The following ADAMTS19 variants were observed in gnomAD, a reference collection of about 807,000 sequenced individuals.
ADAMTS19 encodes A disintegrin and metalloproteinase with thrombospondin motifs 19.
ADAMTS19 carries 93 observed loss-of-function variants against 153.3 expected under a neutral mutation model. The observed-to-expected ratio is 0.61, with a 90% CI of 0.51 to 0.72. The LOEUF (loss-of-function observed/expected upper bound fraction) is 0.72. ADAMTS19 is among the 30% of genes least tolerant of loss of function. The pLI is 0.00. For synonymous variants in ADAMTS19, 600 were observed against 556.6 expected, an observed-to-expected ratio of 1.08 and a Z score of -1.10; for missense variants, 1,482 against 1,552.1, an observed-to-expected ratio of 0.95 and a Z score of 0.76.
At chr5:129,603,815 A>T (rs532045590) in intron 8 of ADAMTS19, among the ~76,000 whole-genome samples, 5 of 152,310 alleles carry the variant, frequency 3.3e-5, no homozygotes, top group Admixed American at 1.3e-4. Flanking sequence ...CACACAGCTA[A>T]TAAGTGCCTG....
chr5:129,617,944 A>C (rs2126970624), intron 8 of ADAMTS19, among the ~76,000 whole-genome samples: 1 of 152,128 alleles, frequency 6.6e-6, no homozygotes, highest in East Asian at 1.9e-4. Flanking sequence ...TTATTTCCCC[A>C]GTATAGAGGA....
intron 6 of ADAMTS19, among the ~76,000 whole-genome samples, chr5:129,537,934 A>T (rs964852012): frequency 7.9e-5 from 12 of 151,998 alleles, no homozygotes; most frequent in East Asian, 1.9e-4. Context: ...AATAATAATG[A>T]TAATAAATAC....
intron 2 of ADAMTS19, among the ~76,000 whole-genome samples, chr5:129,496,686 A>G (rs1750936352): frequency 6.6e-6 from 1 of 152,038 alleles, no homozygotes; most frequent in Admixed American, 6.6e-5. Context: ...CTTAAAGCAC[A>G]TAACTAGGCT....
At chr5:129,661,148 A>T (rs1034505925) in intron 15 of ADAMTS19, among the ~76,000 whole-genome samples, 1 of 152,182 alleles carries the variant, frequency 6.6e-6, no homozygotes, top group Non-Finnish European at 1.5e-5. Context: ...GATGTTTACC[A>T]CATCTGTATC....
At chr5:129,633,299 T>G (rs1346217881) in intron 10 of ADAMTS19, among the ~76,000 whole-genome samples, 2 of 152,186 alleles carry the variant, frequency 1.3e-5, no homozygotes, top group Admixed American at 1.3e-4. Flanking sequence ...ACTAGGTATA[T>G]TCATAGAGTC....
chr5:129,606,956 T>C (rs1299826617), intron 8 of ADAMTS19, among the ~76,000 whole-genome samples: 1 of 152,092 alleles, frequency 6.6e-6, no homozygotes, highest in Non-Finnish European at 1.5e-5. Context: ...CTCACTCTGT[T>C]GCCCAGACTG....
intron 10 of ADAMTS19, 114 bp downstream of exon 10, chr5:129,622,462 A>C (rs1246778562): frequency 3.4e-6 from 4 of 1,179,776 alleles, no homozygotes; most frequent in African/African-American, 1.6e-5. Context: ...CAATATATAA[A>C]AGAAGGATTT....
At chr5:129,488,564 G>A (rs978388573) in intron 2 of ADAMTS19, among the ~76,000 whole-genome samples, 1 of 151,994 alleles carries the variant, frequency 6.6e-6, no homozygotes, top group Non-Finnish European at 1.5e-5. Context: ...TTACAATTGA[G>A]CTTATTTAGC....
intron 15 of ADAMTS19, 73 bp from the exon 16 acceptor site, chr5:129,665,426 A>G (rs1754001744): frequency 7.6e-7 from 1 of 1,309,768 alleles, no homozygotes; most frequent in Non-Finnish European, 1.0e-6. Flanking sequence ...AAGGAAAACA[A>G]AAGGCAAGTC....
At chr5:129,637,069 C>T (rs963445073) in intron 10 of ADAMTS19, among the ~76,000 whole-genome samples, 25 of 151,880 alleles carry the variant, frequency 1.6e-4, no homozygotes, top group African/African-American at 5.8e-4. Context: ...ATCATAAATT[C>T]ACCTCCTTAC....
At chr5:129,624,688 C>T (rs182028441) in intron 10 of ADAMTS19, among the ~76,000 whole-genome samples, 130 of 152,218 alleles carry the variant, frequency 8.5e-4, no homozygotes, top group Non-Finnish European at 1.6e-3. Context: ...GATTCTTTTC[C>T]ATAAATACTA....
chr5:129,522,902 A>G (rs1169669751), intron 3 of ADAMTS19, among the ~76,000 whole-genome samples: 1 of 152,042 alleles, frequency 6.6e-6, no homozygotes, highest in East Asian at 1.9e-4. Context: ...CAAAAACTAC[A>G]AAAATTAGCT....
At position 129,641,967 on chromosome 5, in the gene ADAMTS19, C is replaced by T; in HGVS notation, c.1872+7C>T. 1.3e-6 allele frequency: 2 copies of T among 1,561,970 alleles called. No individual in the cohort carries two copies. The highest frequency in any genetic ancestry group is 8.7e-7 in the Non-Finnish European group (1 of 1,145,868). On this transcript the variant is annotated splice_region_variant and intron_variant, in intron 11 of 22. Transcript: ENST00000274487. ...TGACTGTGACCTTGGTAAGGTAAGT[C>T]ATTTGTGTTGTCTGAATTTAATGAG...
At position 129,509,148 on chromosome 5, in the gene ADAMTS19, T is replaced by A. The variant is rs1162817501; in HGVS notation, c.819T>A (p.Gly273=). The A allele has an allele frequency of 3.7e-6, 6 of 1,612,086 alleles. No individual in the cohort carries two copies. In the South Asian group the frequency reaches 5.5e-5, roughly 15 times the overall value. The change falls in exon 3 of 23, where the codon GGT becomes GGA. Residue 273 remains glycine, a synonymous_variant. Transcript: ENST00000274487. The stretch of plus-strand genomic sequence containing the variant: ...TCAATGATACAATGGCCATAACAGG[T>A]CACCCACACCGTGTATATAGGCAGA... ...EPLNDTMAIT[G]HPHRVYRQKR... is the part of the protein sequence containing the mutation.
chr5:129,562,153 A>C (rs2126844882), intron 7 of ADAMTS19, among the ~76,000 whole-genome samples: 1 of 152,354 alleles, frequency 6.6e-6, no homozygotes, highest in African/African-American at 2.4e-5. Flanking sequence ...TGAAAAGCAC[A>C]GCTGGCTCAG....
At chr5:129,619,840 T>C (rs1299155604) in intron 8 of ADAMTS19, among the ~76,000 whole-genome samples, 1 of 151,862 alleles carries the variant, frequency 6.6e-6, no homozygotes, top group East Asian at 1.9e-4. Flanking sequence ...GTAAACAAAA[T>C]AGAGGCTATG....
intron 21 of ADAMTS19, among the ~76,000 whole-genome samples, chr5:129,721,227 A>C (rs1217530112): frequency 6.6e-6 from 1 of 152,238 alleles, no homozygotes; most frequent in Admixed American, 6.5e-5. Context: ...GGGAAAGAAT[A>C]CATGAAGATG....
chr5:129,663,190 G>C (rs149099076), intron 15 of ADAMTS19, among the ~76,000 whole-genome samples: 5 of 152,036 alleles, frequency 3.3e-5, no homozygotes, highest in Non-Finnish European at 7.4e-5. Flanking sequence ...CACCACGCCC[G>C]GCCCCATTCC....
rs540009249 is a variant in ADAMTS19 at position 129,534,793 on chromosome 5, C to T, written c.1328+6116C>T. ...CATACGAAAATCAATAAACGTAATC[C>T]AGCATATAAACAGAACCAAAGACAA... On this transcript the variant is annotated intron_variant, in intron 6 of 22. Coordinates refer to ENST00000274487, the MANE Select transcript of ADAMTS19 (RefSeq NM_133638.6). Among the ~76,000 whole-genome samples, 436 of 152,238 alleles carry T rather than the reference C, an allele frequency of 2.9e-3. 3 individuals are homozygous for T. The highest frequency in any genetic ancestry group is 9.8e-3 in the African/African-American group (407 of 41,554).
Sources: allele counts gnomAD v4.1 joint callset (sites outside exome capture counted in the v4.1 genomes callset), GRCh38; gene constraint gnomAD v4.1.1; transcripts MANE v1.5; gene names NCBI Gene and HGNC (gene_info 2026-07-23, HGNC 2026-07-21).